Variants in GRM7 observed in about 807,000 individuals in gnomAD.
GRM7 encodes glutamate metabotropic receptor 7.
Under a neutral mutation model 84.5 loss-of-function variants are expected in GRM7, and 35 were observed. That is an observed-to-expected ratio of 0.41 (90% CI 0.32 to 0.55). GRM7 has a LOEUF of 0.55. Ranked by LOEUF, GRM7 falls within the 20% of genes least tolerant of loss-of-function variation. The probability of loss-of-function intolerance (pLI) is 0.19; values close to 1 mark genes in which losing one functional copy is unlikely to be tolerated. For synonymous variants in GRM7, 487 were observed against 455.1 expected (o/e 1.07, Z -0.89); for missense variants, 1,003 against 1,194.6 (o/e 0.84, Z 2.36).
intron 8 of GRM7, among the ~76,000 whole-genome samples, chr3:7,649,688 T>C (rs1435825203): frequency 6.6e-6 from 1 of 152,146 alleles, no homozygotes; most frequent in African/African-American, 2.4e-5. Flanking sequence ...GCAGGGGATT[T>C]ATTGATATTT....
At chr3:7,112,043 A>T (rs1029920978) in intron 1 of GRM7, among the ~76,000 whole-genome samples, 2 of 152,144 alleles carry the variant, frequency 1.3e-5, no homozygotes, top group Non-Finnish European at 2.9e-5. Context: ...AGTTGGCAGA[A>T]GTGTAAAAGG....
rs544688378 is a variant in GRM7, at chr3:7,635,882, C to T, written c.2452-44167C>T. Among the ~76,000 whole-genome samples, 49 of 152,106 alleles carry T rather than the reference C, an allele frequency of 3.2e-4. 1 individual carries two copies. The highest frequency in any genetic ancestry group is 1.1e-3 in the African/African-American group (47 of 41,518). ...ATACAGATAGGGTCTCACTATGTTG[C>T]CCAGGCTTGTCTCAGACTCCCGGCC... On this transcript the variant is annotated intron_variant, in intron 8 of 9. Transcript: ENST00000357716.
intron 8 of GRM7, among the ~76,000 whole-genome samples, chr3:7,612,048 T>C (rs956630543): frequency 6.6e-6 from 1 of 152,168 alleles, no homozygotes; most frequent in African/African-American, 2.4e-5. Flanking sequence ...CCTGTATCTC[T>C]ATGGTTTTAC....
intron 6 of GRM7, among the ~76,000 whole-genome samples, chr3:7,460,825 T>C (rs905302939): frequency 6.6e-6 from 1 of 152,232 alleles, no homozygotes; most frequent in Non-Finnish European, 1.5e-5. Context: ...CAGTTATATA[T>C]TAAGTATGGA....
At chr3:7,577,200 T>C (rs1695008951) in intron 7 of GRM7, among the ~76,000 whole-genome samples, 3 of 152,216 alleles carry the variant, frequency 2.0e-5, no homozygotes, top group Admixed American at 2.0e-4. Flanking sequence ...GGTTGGAATG[T>C]TATCAGTAGT....
chr3:7,111,252 A>G (rs1692840233), intron 1 of GRM7, among the ~76,000 whole-genome samples: 1 of 152,110 alleles, frequency 6.6e-6, no homozygotes, highest in Non-Finnish European at 1.5e-5. Context: ...AGGATGACAC[A>G]TGGCCTCACA....
rs1575336537 is a variant in GRM7 at position 7,438,882 on chromosome 3, G to T, written c.1175-13725G>T. On this transcript the variant is annotated intron_variant, in intron 5 of 9. Coordinates refer to ENST00000357716, the MANE Select transcript of GRM7 (RefSeq NM_000844.4). ...ACATATTTATGTGAGCAAGATATCG[G>T]GGGTGGAAGGGGCAAGAGTTTAATT... Among the ~76,000 whole-genome samples the T allele has an allele frequency of 2.0e-5, 3 of 152,184 alleles. No individual in the cohort carries two copies. In the South Asian group the frequency reaches 6.2e-4, roughly 32 times the overall value.
chr3:7,455,513 C>A (rs1697971769), intron 6 of GRM7, among the ~76,000 whole-genome samples: 1 of 152,144 alleles, frequency 6.6e-6, no homozygotes, highest in Non-Finnish European at 1.5e-5. Flanking sequence ...TGATATGATA[C>A]ACTGGCATGC....
chr3:6,956,537 T>C, intron 1 of GRM7: 1 of 455,780 alleles, frequency 2.2e-6, no homozygotes, highest in Non-Finnish European at 4.4e-6. Flanking sequence ...CTGTGGCATA[T>C]TTTCCACACT....
chr3:6,909,848 A>AT (rs573030283), intron 1 of GRM7, among the ~76,000 whole-genome samples: 161 of 152,224 alleles, frequency 1.1e-3, no homozygotes, highest in African/African-American at 3.2e-3. Context: ...AAAATAGTAA[A>AT]TTTTTATGTA....
intron 1 of GRM7, among the ~76,000 whole-genome samples, chr3:7,070,034 G>A (rs1037634691): frequency 1.3e-5 from 2 of 152,080 alleles, no homozygotes; most frequent in Non-Finnish European, 2.9e-5. Flanking sequence ...AGATGGATGA[G>A]GTGGAGGAAG....
chr3:7,704,033 AT>A (rs1559497700), intron 9 of GRM7, among the ~76,000 whole-genome samples: 1 of 152,148 alleles, frequency 6.6e-6, no homozygotes, highest in South Asian at 2.1e-4. Flanking sequence ...GACTTAATAG[AT>A]TGTCCATTCT....
At position 6,861,536 on chromosome 3, in the gene GRM7, A is replaced by G; in HGVS notation, c.148A>G (p.Thr50Ala). The G allele has an allele frequency of 6.3e-7, 1 of 1,579,650 alleles. No homozygotes were observed. The highest frequency in any genetic ancestry group is 8.6e-7 in the Non-Finnish European group (1 of 1,163,388). ...CTCAATCCGGATCGAGGGGGACGTC[A>G]CCCTCGGGGGGCTGTTCCCCGTGCA... is the stretch of plus-strand genomic sequence containing the variant. ...PHSIRIEGDV[T>A]LGGLFPVHAK... The change falls in exon 1 of 10, where the codon ACC becomes GCC. Residue 50 changes from threonine (T) to alanine (A), a missense_variant. Physicochemically the swap from Thr to Ala is moderately conservative, Grantham distance 58. Around this residue, in one of 2 missense-constraint regions of GRM7, gnomAD observed 93 missense variants for 68.6 expected, o/e 1.36. Coordinates refer to ENST00000357716, the MANE Select transcript of GRM7 (RefSeq NM_000844.4). This position sits in a 1 kb window ranked among gnomAD's most constrained non-coding sequence, Gnocchi z 6.4.
In GRM7 at chr3:7,067,859, C is replaced by T. The variant is rs573043769; in HGVS notation, c.520-78593C>T. The stretch of plus-strand genomic sequence containing the variant: ...ACCCCACCTTTTAGTATTGGATTAC[C>T]TTAAAATATCCTCTCTGTTAACCTG... On this transcript the variant is annotated intron_variant, in intron 1 of 9. Coordinates refer to ENST00000357716, the MANE Select transcript of GRM7 (RefSeq NM_000844.4). 1.7e-4 allele frequency among the ~76,000 whole-genome samples: 26 copies of T among 152,028 alleles called. No homozygotes were observed. In the South Asian group the frequency reaches 5.4e-3, roughly 32 times the overall value.
intron 2 of GRM7, among the ~76,000 whole-genome samples, chr3:7,223,102 T>C (rs1048283102): frequency 6.6e-6 from 1 of 152,168 alleles, no homozygotes; most frequent in African/African-American, 2.4e-5. Flanking sequence ...GACTAACTTA[T>C]ATATAGGTGC....
At chr3:7,197,933 G>A (rs986662863) in intron 2 of GRM7, among the ~76,000 whole-genome samples, 8 of 152,122 alleles carry the variant, frequency 5.3e-5, no homozygotes, top group Non-Finnish European at 1.2e-4. Context: ...TATGGTGGAA[G>A]TTAAAGATTA....
intron 1 of GRM7, among the ~76,000 whole-genome samples, chr3:6,871,554 C>T (rs1372202573): frequency 1.3e-5 from 2 of 151,456 alleles, no homozygotes; most frequent in African/African-American, 4.9e-5. Context: ...AATTTTATCT[C>T]GTAGGTTGTC....
chr3:7,359,943 A>G lies in GRM7; in HGVS notation c.1033+53291A>G, dbSNP rs987425705. Among the ~76,000 whole-genome samples the G allele has an allele frequency of 1.8e-4, 27 of 148,626 alleles. 3 individuals carry two copies. The highest frequency in any genetic ancestry group is 6.9e-4 in the African/African-American group (27 of 39,320). On this transcript the variant is annotated intron_variant, in intron 4 of 9. Transcript: ENST00000357716. ...ACTGAGAAGCAAATTAGTCAGCAGG[A>G]TAAGTAAAGACTATTAGTTACTAAG... is the stretch of plus-strand genomic sequence containing the variant.
intron 2 of GRM7, among the ~76,000 whole-genome samples, chr3:7,164,375 A>T (rs905243100): frequency 1.3e-5 from 2 of 152,220 alleles, no homozygotes; most frequent in African/African-American, 4.8e-5. Context: ...ATTAAAAAAC[A>T]TAAAAATCAC....
Sources: gnomAD v4.1 joint callset for allele counts (sites outside exome capture counted in the v4.1 genomes callset) on GRCh38, gnomAD v4.1.1 for gene constraint, gnomAD v4.1.1 regional missense constraint, Gnocchi (gnomAD v3.1) non-coding constraint, MANE v1.5 for transcripts, NCBI Gene and HGNC (gene_info 2026-07-23, HGNC 2026-07-21) for gene names.